FAM193A: variants seen among roughly 807,000 people sequenced by gnomAD.
The protein encoded by FAM193A is family with sequence similarity 193 member A.
In FAM193A, 22 loss-of-function variants were observed where a neutral mutation model predicts 126.5. That is an observed-to-expected ratio of 0.17 (90% confidence interval 0.12 to 0.25). The LOEUF is 0.25. Among genes scored for constraint, FAM193A ranks in the 10% least tolerant of loss-of-function variants. The pLI is 1.00. For missense variants in FAM193A, 1,675 were observed against 1,672.8 expected (o/e 1.00, Z -0.02); for synonymous variants, 761 against 646.8 (o/e 1.18, Z -2.68).
Position 2,731,626 on chromosome 4 carries a change from C to T in FAM193A, c.4455-149C>T. On this transcript the variant is annotated intron_variant, in intron 20 of 20. Coordinates refer to ENST00000637812, the MANE Select transcript of FAM193A (RefSeq NM_001366318.2). Reference sequence around the variant, plus strand: ...AGCCTGTAGCAGGGCCTGGAGGGGACCCTTGACACTGTGCCCCTCACCGAG... The same window carrying T: ...AGCCTGTAGCAGGGCCTGGAGGGGATCCTTGACACTGTGCCCCTCACCGAG... The T allele has an allele frequency of 4.7e-6, 3 of 639,096 alleles. No individual in the cohort carries two copies. In the South Asian group the frequency reaches 5.3e-5, roughly 11 times the overall value. 39.6% of individuals were successfully genotyped at this position (639,096 alleles called of 1,614,324 possible).
chr4:2,716,176 C>T (rs1253632506), intron 20 of FAM193A, 72 bp downstream of exon 20: 1 of 994,096 alleles, frequency 1.0e-6, no homozygotes, highest in Non-Finnish European at 1.6e-6. Flanking sequence ...TTCTGTCTTT[C>T]CATGGCACTT....
chr4:2,642,625 G>A (rs1236670070), intron 6 of FAM193A, among the ~76,000 whole-genome samples: 1 of 143,550 alleles, frequency 7.0e-6, no homozygotes, highest in Non-Finnish European at 1.6e-5. Flanking sequence ...AGATTCCAGG[G>A]AATCTACCTT....
At chr4:2,709,920 T>C (rs1283129557) in intron 19 of FAM193A, among the ~76,000 whole-genome samples, 1 of 152,192 alleles carries the variant, frequency 6.6e-6, no homozygotes, top group East Asian at 1.9e-4. Context: ...TTAATTTTGG[T>C]AAACCATCTT....
chr4:2,625,342 A>G lies in FAM193A; in HGVS notation c.582A>G (p.Ala194=), dbSNP rs188731030. The part of the protein sequence containing the change: ...AGSGGRLALG[A]QTLPSDTACS... ...GTGGTGGGAGGCTCGCTCTGGGTGCACAGACGCTGCCTTCAGACACCGCAT... is the reference window on the plus strand; with the variant it reads ...GTGGTGGGAGGCTCGCTCTGGGTGCGCAGACGCTGCCTTCAGACACCGCAT... Residue 194 remains alanine, a synonymous_variant, in exon 3 of 21, where the codon GCA becomes GCG. Transcript: ENST00000637812. 4 of 702,970 alleles carry G rather than the reference A, an allele frequency of 5.7e-6. No homozygotes were observed. Among genetic ancestry groups the G allele is most frequent in the African/African-American group, 5.2e-5 (3 of 57,386 alleles). The allele number at this position is 702,970 out of a possible 1,614,324, so 43.5% of individuals were successfully genotyped here.
At chr4:2,584,199 T>G (rs1297773901) in intron 1 of FAM193A, among the ~76,000 whole-genome samples, 2 of 152,202 alleles carry the variant, frequency 1.3e-5, no homozygotes, top group Non-Finnish European at 2.9e-5. Flanking sequence ...GTACCATTTA[T>G]TGAGAGATCT....
Position 2,693,602 on chromosome 4 carries a change from C to A in FAM193A, c.2820C>A (p.Gly940=), listed in dbSNP as rs900142886. 18 of 1,610,650 alleles carry A rather than the reference C, an allele frequency of 1.1e-5. No homozygotes were observed. The highest frequency in any genetic ancestry group is 1.5e-5 in the Non-Finnish European group (18 of 1,177,214). The change falls in exon 16 of 21, where the codon GGC becomes GGA. Residue 940 remains glycine (G), a synonymous_variant. Transcript: ENST00000637812. ...RPPSVGDVFH[G]ISKEDHRHSA... Reference sequence around the variant, plus strand: ...TAAATGCAGGTGACGTGTTTCATGGCATCAGCAAGGAGGACCACAGACACT... The same window carrying A: ...TAAATGCAGGTGACGTGTTTCATGGAATCAGCAAGGAGGACCACAGACACT...
chr4:2,544,143 C>T (rs1430570054), intron 1 of FAM193A, among the ~76,000 whole-genome samples: 1 of 152,138 alleles, frequency 6.6e-6, no homozygotes. Flanking sequence ...CTAAAATTAA[C>T]AATTTTAACT....
At chr4:2,644,105 A>G (rs763379086) in intron 6 of FAM193A, among the ~76,000 whole-genome samples, 10 of 152,080 alleles carry the variant, frequency 6.6e-5, no homozygotes, top group African/African-American at 2.4e-4. Context: ...ATTTAATTCA[A>G]CCCTGTGGAT....
chr4:2,598,128 C>T (rs890503044), intron 2 of FAM193A, among the ~76,000 whole-genome samples: 4 of 152,086 alleles, frequency 2.6e-5, no homozygotes, highest in African/African-American at 4.8e-5. Flanking sequence ...TGGTCTCGAT[C>T]GTGATCCGCC....
chr4:2,711,014 G>C (rs1189783562), intron 19 of FAM193A, among the ~76,000 whole-genome samples: 1 of 151,552 alleles, frequency 6.6e-6, no homozygotes, highest in South Asian at 2.1e-4. Flanking sequence ...ACCTCGCCCG[G>C]CTAATTTTTT....
intron 2 of FAM193A, among the ~76,000 whole-genome samples, chr4:2,623,229 G>A (rs1446278122): frequency 6.6e-6 from 1 of 151,404 alleles, no homozygotes; most frequent in African/African-American, 2.4e-5. Flanking sequence ...GGAGTGCGGT[G>A]GCGCGATCTC....
intron 7 of FAM193A, chr4:2,655,118 C>T (rs1375883020): frequency 1.4e-6 from 1 of 698,980 alleles, no homozygotes; most frequent in Non-Finnish European, 2.6e-6. Context: ...GTCCTGGCTT[C>T]GAGGGGCTGC....
chr4:2,723,555 C>CA (rs1324883916), intron 20 of FAM193A, among the ~76,000 whole-genome samples: 1 of 145,012 alleles, frequency 6.9e-6, no homozygotes, highest in Non-Finnish European at 1.5e-5. Flanking sequence ...GCCTGGGCAA[C>CA]AGAGCAAGAC....
intron 15 of FAM193A, among the ~76,000 whole-genome samples, chr4:2,692,188 A>G (rs750912645): frequency 1.3e-5 from 2 of 152,194 alleles, no homozygotes; most frequent in Non-Finnish European, 2.9e-5. Context: ...CCACATGGCT[A>G]GGGAGGCTTC....
intron 1 of FAM193A, among the ~76,000 whole-genome samples, chr4:2,551,846 T>C: frequency 1.3e-5 from 2 of 151,972 alleles, no homozygotes; most frequent in Middle Eastern, 3.4e-3. Flanking sequence ...TTTTATGTTT[T>C]ATTTTATTTT....
rs1268067185 is a variant in FAM193A at position 2,732,272 on chromosome 4, C to T, written c.*404C>T. The T allele has an allele frequency of 4.5e-6, 1 of 222,014 alleles. No homozygotes were observed. Among genetic ancestry groups the T allele is most frequent in the African/African-American group, 2.3e-5 (1 of 43,772 alleles). The allele number at this position is 222,014 out of a possible 1,614,324, so 13.8% of individuals were successfully genotyped here. On this transcript the variant is annotated 3_prime_UTR_variant, in exon 21 of 21. Coordinates refer to ENST00000637812, the MANE Select transcript of FAM193A (RefSeq NM_001366318.2). The stretch of plus-strand genomic sequence containing the variant: ...ACTCAGCTCTCCTGTGCCCCTGCGT[C>T]TCACCCTAGGCGGGCTGGGCGGGGC...
chr4:2,710,937 C>T lies in FAM193A; in HGVS notation c.4373-5086C>T, dbSNP rs540085972. On this transcript the variant is annotated intron_variant, in intron 19 of 20. Transcript: ENST00000637812. ...TGTGATCTTGGCTCACTGCAAACTC[C>T]GCCTCCCGGGTTCATGCCATTCTCC... is the stretch of plus-strand genomic sequence containing the variant. Among the ~76,000 whole-genome samples, 413 of 151,022 alleles carry T rather than the reference C, an allele frequency of 2.7e-3. 3 individuals carry two copies. The highest frequency in any genetic ancestry group is 3.4e-3 in the Non-Finnish European group (232 of 67,834).
intron 7 of FAM193A, among the ~76,000 whole-genome samples, chr4:2,655,297 A>G (rs542943544): frequency 1.3e-5 from 2 of 152,326 alleles, no homozygotes; most frequent in Non-Finnish European, 2.9e-5. Flanking sequence ...CAATTTCTGT[A>G]TGAGTTAAGA....
intron 7 of FAM193A, among the ~76,000 whole-genome samples, chr4:2,650,107 G>T (rs1418579253): frequency 6.6e-6 from 1 of 152,152 alleles, no homozygotes; most frequent in Non-Finnish European, 1.5e-5. Flanking sequence ...CACTAATTGT[G>T]CATTGTGGTG....
Sources: allele counts gnomAD v4.1 joint callset (sites outside exome capture counted in the v4.1 genomes callset), GRCh38; gene constraint gnomAD v4.1.1; transcripts MANE v1.5; gene names NCBI Gene and HGNC (gene_info 2026-07-23, HGNC 2026-07-21).